The following PFDN4 variants were observed in gnomAD, a reference collection of about 807,000 sequenced individuals.
The protein encoded by PFDN4 is prefoldin 4.
PFDN4 carries 6 observed loss-of-function variants against 17.6 expected under a neutral mutation model. The ratio of observed to expected loss-of-function variants is 0.34; its 90% CI spans 0.19 to 0.67. The LOEUF (loss-of-function observed/expected upper bound fraction) is 0.67, where lower values mean the gene tolerates loss of function less well. Ranked by LOEUF, PFDN4 falls within the 30% of genes least tolerant of loss-of-function variation. The probability of loss-of-function intolerance (pLI) is 0.68; values close to 1 mark genes in which losing one functional copy is unlikely to be tolerated. For synonymous variants in PFDN4, 48 were observed against 51.1 expected (o/e 0.94, Z 0.26); for missense variants, 119 against 158.4 (o/e 0.75, Z 1.33).
At chr20:54,208,920 G>A (rs1031297300) in intron 1 of PFDN4, 2 of 152,222 alleles carry the variant, frequency 1.3e-5, no homozygotes, top group African/African-American at 4.8e-5. Context: ...ACTCAGGTTT[G>A]TTTTTGTTTT....
At chr20:54,211,707 A>G (rs545795197) in intron 1 of PFDN4, among the ~76,000 whole-genome samples, 1 of 152,290 alleles carries the variant, frequency 6.6e-6, no homozygotes, top group Non-Finnish European at 1.5e-5. Flanking sequence ...TGACTTTGAG[A>G]GTAGCTACAG....
intron 1 of PFDN4, chr20:54,208,383 C>A (rs1269795221): frequency 2.4e-6 from 1 of 424,042 alleles, no homozygotes; most frequent in African/African-American, 2.1e-5. Context: ...CCGCCTCCCG[C>A]GATGCCGAGG....
rs945345285 is a variant in PFDN4 at position 54,219,707 on chromosome 20, T to C, written c.*557T>C. The C allele has an allele frequency of 2.5e-6, 1 of 398,144 alleles. No homozygotes were observed. The highest frequency in any genetic ancestry group is 3.6e-5 in the East Asian group (1 of 28,010). 24.7% of individuals were successfully genotyped at this position (398,144 alleles called of 1,614,324 possible). ...AATATCAGAGATTTGGGTAAAAGAATGGGTAATGTTTAAACATGTGGAGGC... is the reference window on the plus strand; with the variant it reads ...AATATCAGAGATTTGGGTAAAAGAACGGGTAATGTTTAAACATGTGGAGGC... On this transcript the variant is annotated 3_prime_UTR_variant, in exon 4 of 4. Coordinates refer to ENST00000371419, the MANE Select transcript of PFDN4 (RefSeq NM_002623.4).
At chr20:54,217,156 AG>A (rs2092763683) in intron 3 of PFDN4, among the ~76,000 whole-genome samples, 2 of 152,302 alleles carry the variant, frequency 1.3e-5, no homozygotes, top group South Asian at 4.1e-4. Flanking sequence ...ATATGAGGAT[AG>A]AGGTGGCTTT....
chr20:54,216,463 A>G (rs1015877489), intron 3 of PFDN4, among the ~76,000 whole-genome samples: 6 of 152,218 alleles, frequency 3.9e-5, no homozygotes, highest in Admixed American at 2.6e-4. Flanking sequence ...CATAAATCTT[A>G]TATGTCTCCC....
intron 3 of PFDN4, 82 bp downstream of exon 3, chr20:54,215,522 G>A: frequency 4.8e-6 from 4 of 825,282 alleles, no homozygotes; most frequent in Non-Finnish European, 7.4e-6. Flanking sequence ...AATAGTAGAT[G>A]CTAGCTATAG....
chr20:54,215,223 G>A (rs1397604010), intron 2 of PFDN4, 77 bp from the exon 3 acceptor site: 6 of 1,028,860 alleles, frequency 5.8e-6, no homozygotes, highest in Non-Finnish European at 7.2e-6. Flanking sequence ...GAGAGTTGCT[G>A]TCCCCAAATT....
Position 54,215,374 on chromosome 20 carries a change from T to C in PFDN4, c.207T>C (p.Tyr69=), listed in dbSNP as rs2092761248. The change falls in exon 3 of 4, where the codon TAT becomes TAC. Residue 69 remains tyrosine, a synonymous_variant. Coordinates refer to ENST00000371419, the MANE Select transcript of PFDN4 (RefSeq NM_002623.4). ...LADDDCLMIP[Y]QIGDVFISHS... Reference sequence around the variant, plus strand: ...ATGATGATTGCTTAATGATACCTTATCAAATTGGTGATGTCTTCATTAGCC... The same window carrying C: ...ATGATGATTGCTTAATGATACCTTACCAAATTGGTGATGTCTTCATTAGCC... 2 of 1,605,684 alleles carry C rather than the reference T, an allele frequency of 1.2e-6. No individual in the cohort carries two copies. The highest frequency in any genetic ancestry group is 1.7e-6 in the Non-Finnish European group (2 of 1,174,014).
chr20:54,215,852 G>A (rs534947795), intron 3 of PFDN4, among the ~76,000 whole-genome samples: 3 of 152,184 alleles, frequency 2.0e-5, no homozygotes, highest in Non-Finnish European at 2.9e-5. Flanking sequence ...GCCTCTCTCC[G>A]TGTAGTTTGC....
intron 1 of PFDN4, among the ~76,000 whole-genome samples, chr20:54,209,767 T>G (rs1284138257): frequency 6.6e-6 from 1 of 152,214 alleles, no homozygotes; most frequent in Non-Finnish European, 1.5e-5. Flanking sequence ...TTACCAACTT[T>G]TTTTTTCCTT....
chr20:54,217,884 G>GT (rs1200727431), intron 3 of PFDN4, among the ~76,000 whole-genome samples: 1 of 152,186 alleles, frequency 6.6e-6, no homozygotes, highest in Admixed American at 6.5e-5. Context: ...CACAGGGCTT[G>GT]TTAAAAATCC....
intron 2 of PFDN4, 38 bp downstream of exon 2, chr20:54,214,496 A>T (rs2146541335): frequency 1.1e-6 from 1 of 927,126 alleles, no homozygotes; most frequent in African/African-American, 1.7e-5. Flanking sequence ...AAATTTTTTT[A>T]TACTATAGCT....
chr20:54,211,421 A>G (rs2092755697), intron 1 of PFDN4, among the ~76,000 whole-genome samples: 1 of 152,166 alleles, frequency 6.6e-6, no homozygotes, highest in Admixed American at 6.5e-5. Flanking sequence ...GTTCTTTGTA[A>G]TGATTTTTGA....
intron 1 of PFDN4, among the ~76,000 whole-genome samples, chr20:54,212,196 A>G (rs1358647226): frequency 2.3e-5 from 1 of 43,256 alleles, no homozygotes; most frequent in Non-Finnish European, 4.1e-5. Flanking sequence ...CTGTCTCACC[A>G]AAAAAAAAAA....
chr20:54,211,608 T>G (rs1357905388), intron 1 of PFDN4, among the ~76,000 whole-genome samples: 1 of 152,176 alleles, frequency 6.6e-6, no homozygotes, highest in African/African-American at 2.4e-5. Flanking sequence ...GGTTCCTGTT[T>G]GCTTGGATTG....
At chr20:54,213,030 C>T (rs535847691) in intron 1 of PFDN4, among the ~76,000 whole-genome samples, 39 of 152,290 alleles carry the variant, frequency 2.6e-4, no homozygotes, top group Non-Finnish European at 3.2e-4. Flanking sequence ...GTGTTATATT[C>T]CGACCACTGA....
intron 1 of PFDN4, among the ~76,000 whole-genome samples, chr20:54,211,438 A>G (rs2092755715): frequency 6.6e-6 from 1 of 152,232 alleles, no homozygotes; most frequent in Non-Finnish European, 1.5e-5. Flanking sequence ...TTGATAAACA[A>G]TATTCAGGAT....
chr20:54,217,873 C>T (rs1020503063), intron 3 of PFDN4, among the ~76,000 whole-genome samples: 1 of 152,164 alleles, frequency 6.6e-6, no homozygotes, highest in African/African-American at 2.4e-5. Context: ...ATCACAGTCA[C>T]CACAGGGCTT....
At chr20:54,212,485 T>A (rs183120506) in intron 1 of PFDN4, among the ~76,000 whole-genome samples, 3 of 152,342 alleles carry the variant, frequency 2.0e-5, no homozygotes, top group African/African-American at 7.2e-5. Context: ...AAATTCCTGC[T>A]TTGGAAAGAC....
Sources: gnomAD v4.1 joint callset for allele counts (sites outside exome capture counted in the v4.1 genomes callset) on GRCh38, gnomAD v4.1.1 for gene constraint, MANE v1.5 for transcripts, NCBI Gene and HGNC (gene_info 2026-07-23, HGNC 2026-07-21) for gene names.